Variants in ZBTB7B observed in about 807,000 individuals in gnomAD.
ZBTB7B encodes the protein zinc finger and BTB domain-containing protein 7B.
ZBTB7B carries 8 observed loss-of-function variants against 31.0 expected under a neutral mutation model. The observed-to-expected ratio is 0.26, with a 90% CI of 0.15 to 0.47. The LOEUF is 0.47. Ranked by LOEUF, ZBTB7B falls within the 20% of genes least tolerant of loss-of-function variation. The pLI is 0.99. For synonymous variants in ZBTB7B, 261 were observed against 307.3 expected, an observed-to-expected ratio of 0.85 and a Z score of 1.58; for missense variants, 494 against 742.4, an observed-to-expected ratio of 0.67 and a Z score of 3.89.
chr1:155,014,143 A>C, intron 1 of ZBTB7B: 1 of 947,110 alleles, frequency 1.1e-6, no homozygotes, highest in Non-Finnish European at 1.3e-6. Context: ...GAGGAGGTTC[A>C]TTACAAAGAC....
Position 155,004,124 on chromosome 1 carries a change from C to T in ZBTB7B, c.-7+1181C>T, listed in dbSNP as rs1419813720. ...CAGGGGAGGGGCAGAGGCGCCGGTG[C>T]TAGCTGACCCACAGGAAACGAGCGC... On this transcript the variant is annotated intron_variant, in intron 1 of 2. Coordinates refer to ENST00000535420, the MANE Select transcript of ZBTB7B (RefSeq NM_001256455.2). The surrounding 1 kb of genome is among the most constrained non-coding windows in gnomAD (Gnocchi z 4.0). Among the ~76,000 whole-genome samples, 1 of 152,212 alleles carries T rather than the reference C, an allele frequency of 6.6e-6. No individual in the cohort carries two copies. The highest frequency in any genetic ancestry group is 1.5e-5 in the Non-Finnish European group (1 of 68,028).
chr1:155,016,213 G>A lies in ZBTB7B; in HGVS notation c.1155-7G>A. The A allele has an allele frequency of 2.5e-6, 4 of 1,611,494 alleles. No individual in the cohort carries two copies. Among genetic ancestry groups the A allele is most frequent in the Non-Finnish European group, 3.4e-6 (4 of 1,178,000 alleles). ...ACCTCCCTGCCCCTCACCCCTGCCT[G>A]TGCCAGGAACGACAAGCTGAAGATC... On this transcript the variant is annotated splice_region_variant and splice_polypyrimidine_tract_variant and intron_variant, in intron 2 of 2. Transcript: ENST00000535420. The surrounding 1 kb of genome is among the most constrained non-coding windows in gnomAD (Gnocchi z 4.3).
chr1:155,004,131 A>T lies in ZBTB7B; in HGVS notation c.-7+1188A>T, dbSNP rs1175297917. ...GGGGCAGAGGCGCCGGTGCTAGCTG[A>T]CCCACAGGAAACGAGCGCTGCTGAC... On this transcript the variant is annotated intron_variant, in intron 1 of 2. Coordinates refer to ENST00000535420, the MANE Select transcript of ZBTB7B (RefSeq NM_001256455.2). This position sits in a 1 kb window ranked among gnomAD's most constrained non-coding sequence, Gnocchi z 4.0. 6.6e-6 allele frequency among the ~76,000 whole-genome samples: 1 copy of T among 152,136 alleles called. No individual in the cohort carries two copies. Among genetic ancestry groups the T allele is most frequent in the Non-Finnish European group, 1.5e-5 (1 of 67,992 alleles).
chr1:155,007,796 G>A (rs535442481), intron 1 of ZBTB7B, among the ~76,000 whole-genome samples: 26 of 152,224 alleles, frequency 1.7e-4, no homozygotes, highest in African/African-American at 1.7e-4. Context: ...CAACCGGGCC[G>A]GGAGCTGGTG....
At chr1:155,005,721 G>A (rs560287717) in intron 1 of ZBTB7B, among the ~76,000 whole-genome samples, 26 of 152,340 alleles carry the variant, frequency 1.7e-4, no homozygotes, top group African/African-American at 6.3e-4. Flanking sequence ...AGGAAGGTGG[G>A]GACAGGCAGA....
In ZBTB7B at chr1:155,012,807, C is replaced by G. The variant is rs372290134; in HGVS notation, c.-6-1848C>G. Among the ~76,000 whole-genome samples the G allele has an allele frequency of 4.7e-5, 7 of 149,392 alleles. No individual in the cohort carries two copies. The South Asian group carries it at 6.4e-4, about 14-fold the overall frequency. ...GGCTTGACTCCCCCATTCACCCCCC[C>G]ACCCAAAAAAAAAAAAAACCTTTCC... is the stretch of plus-strand genomic sequence containing the variant. On this transcript the variant is annotated intron_variant, in intron 1 of 2. Coordinates refer to ENST00000535420, the MANE Select transcript of ZBTB7B (RefSeq NM_001256455.2).
At chr1:155,005,861 C>T (rs1658528459) in intron 1 of ZBTB7B, among the ~76,000 whole-genome samples, 2 of 152,210 alleles carry the variant, frequency 1.3e-5, no homozygotes, top group African/African-American at 4.8e-5. Flanking sequence ...CTCCCCCCCA[C>T]TCTTGCCAAC....
In ZBTB7B at chr1:155,014,786, C is replaced by T. The variant is rs751993641; in HGVS notation, c.126C>T (p.Gly42=). The change falls in exon 2 of 3, where the codon GGC becomes GGT. Residue 42 remains glycine, a synonymous_variant. Transcript: ENST00000535420. ...GTGACCTCACCATCCGGACGCAGGGCCTTGAATACCGCACCCACAGGGCTG... is the reference window on the plus strand; with the variant it reads ...GTGACCTCACCATCCGGACGCAGGGTCTTGAATACCGCACCCACAGGGCTG... ...HLCDLTIRTQ[G]LEYRTHRAVL... is the part of the protein sequence containing the mutation. The T allele has an allele frequency of 6.2e-7, 1 of 1,614,248 alleles. No homozygotes were observed. The highest frequency in any genetic ancestry group is 2.2e-5 in the East Asian group (1 of 44,890).
At position 155,014,708 on chromosome 1, in the gene ZBTB7B, C is replaced by T. The variant is rs749846985; in HGVS notation, c.48C>T (p.His16=). The T allele has an allele frequency of 1.2e-5, 20 of 1,614,060 alleles. No individual in the cohort carries two copies. In the South Asian group the frequency reaches 1.9e-4, roughly 15 times the overall value. ...DDLIGIPFPD[H]SSELLSCLNE... ...TGATTGGGATTCCATTCCCGGACCA[C>T]AGCAGTGAGCTCCTGAGCTGCCTCA... Residue 16 remains histidine, a synonymous_variant, in exon 2 of 3, where the codon CAC becomes CAT. Coordinates refer to ENST00000535420, the MANE Select transcript of ZBTB7B (RefSeq NM_001256455.2).
At chr1:155,013,525 C>T (rs1401862021) in intron 1 of ZBTB7B, among the ~76,000 whole-genome samples, 1 of 152,248 alleles carries the variant, frequency 6.6e-6, no homozygotes, top group Non-Finnish European at 1.5e-5. Flanking sequence ...CACCCCCTTC[C>T]AGGCCCCAAC....
intron 1 of ZBTB7B, among the ~76,000 whole-genome samples, chr1:155,011,789 G>C (rs981990724): frequency 2.0e-5 from 3 of 152,336 alleles, no homozygotes; most frequent in Middle Eastern, 3.4e-3. Context: ...TGGGAAAGGT[G>C]CCCAAGGTAG....
chr1:155,009,525 G>T lies in ZBTB7B; in HGVS notation c.-6-5130G>T, dbSNP rs375909168. ...CAAGTGGACAATTGCCTGGTCCAGG[G>T]TGGGCACCCTCCGGGGAAAGTCCAG... On this transcript the variant is annotated intron_variant, in intron 1 of 2. Transcript: ENST00000535420. Among the ~76,000 whole-genome samples, 31 of 152,268 alleles carry T rather than the reference G, an allele frequency of 2.0e-4. No homozygotes were observed. The East Asian group carries it at 3.1e-3, about 15-fold the overall frequency.
chr1:155,006,505 G>A lies in ZBTB7B; in HGVS notation c.-7+3562G>A, dbSNP rs966807886. ...AATACCTGTGCCAGATTCAGGGGTCGAAGGTGCCCCAGGCAAAAGAGGGCT... is the reference window on the plus strand; with the variant it reads ...AATACCTGTGCCAGATTCAGGGGTCAAAGGTGCCCCAGGCAAAAGAGGGCT... On this transcript the variant is annotated intron_variant, in intron 1 of 2. Transcript: ENST00000535420. Among the ~76,000 whole-genome samples, 17 of 152,138 alleles carry A rather than the reference G, an allele frequency of 1.1e-4. 1 individual carries two copies. The highest frequency in any genetic ancestry group is 3.1e-4 in the African/African-American group (13 of 41,414).
At chr1:155,009,268 C>T (rs988612328) in intron 1 of ZBTB7B, among the ~76,000 whole-genome samples, 13 of 151,906 alleles carry the variant, frequency 8.6e-5, no homozygotes, top group African/African-American at 2.2e-4. Flanking sequence ...AGCCGGGCTC[C>T]GGAGATCGGG....
chr1:155,010,856 G>A (rs996192920), intron 1 of ZBTB7B: 13 of 1,411,612 alleles, frequency 9.2e-6, no homozygotes, highest in Admixed American at 5.9e-5. Context: ...GGGAGGGGTG[G>A]CCAGCCAAGG....
intron 1 of ZBTB7B, among the ~76,000 whole-genome samples, chr1:155,009,787 C>G (rs1282373627): frequency 6.6e-6 from 1 of 152,122 alleles, no homozygotes; most frequent in Non-Finnish European, 1.5e-5. Flanking sequence ...TCCTCTGCGG[C>G]TCTCCACCCC....
Position 155,016,632 on chromosome 1 carries a change from G to A in ZBTB7B, c.1567G>A (p.Glu523Lys), listed in dbSNP as rs767408173. The A allele has an allele frequency of 9.3e-6, 15 of 1,606,528 alleles. No individual in the cohort carries two copies. Among genetic ancestry groups the A allele is most frequent in the Non-Finnish European group, 1.3e-5 (15 of 1,175,684 alleles). The change falls in exon 3 of 3, where the codon GAG becomes AAG. Residue 523 changes from glutamate (E) to lysine (K), a missense_variant. Glu to Lys is a moderately conservative substitution (Grantham distance 56). Transcript: ENST00000535420. This position sits in a 1 kb window ranked among gnomAD's most constrained non-coding sequence, Gnocchi z 4.3. Reference protein sequence around the residue: ...STPGPPDDDEEEGAPTTPQAE... With the variant: ...STPGPPDDDEKEGAPTTPQAE... ...CCCAGGGCCCCCTGATGACGATGAG[G>A]AGGAAGGGGCACCCACCACACCCCA...
Position 155,015,379 on chromosome 1 carries a change from G to A in ZBTB7B, c.719G>A (p.Gly240Asp). The part of the protein sequence containing the change: ...PLTYEEEEVA[G>D]RVGSSGGSGP... Reference sequence around the variant, plus strand: ...ACCTATGAGGAGGAGGAGGTGGCGGGCAGAGTGGGCAGCAGTGGGGGCAGT... The same window carrying A: ...ACCTATGAGGAGGAGGAGGTGGCGGACAGAGTGGGCAGCAGTGGGGGCAGT... Residue 240 changes from glycine to aspartate, a missense_variant, in exon 2 of 3, where the codon GGC becomes GAC. Coordinates refer to ENST00000535420, the MANE Select transcript of ZBTB7B (RefSeq NM_001256455.2). The A allele has an allele frequency of 6.4e-7, 1 of 1,571,252 alleles. No individual in the cohort carries two copies. Among genetic ancestry groups the A allele is most frequent in the Non-Finnish European group, 8.7e-7 (1 of 1,155,316 alleles).
At chr1:155,009,993 G>A (rs2102288213) in intron 1 of ZBTB7B, among the ~76,000 whole-genome samples, 1 of 152,192 alleles carries the variant, frequency 6.6e-6, no homozygotes, top group South Asian at 2.1e-4. Context: ...AGCAAAGGGT[G>A]GACTTGTGGA....
Sources: gnomAD v4.1 joint callset for allele counts (sites outside exome capture counted in the v4.1 genomes callset) on GRCh38, gnomAD v4.1.1 for gene constraint, Gnocchi (gnomAD v3.1) non-coding constraint, MANE v1.5 for transcripts, NCBI Gene and HGNC (gene_info 2026-07-23, HGNC 2026-07-21) for gene names.